KIAA1671: variants seen among roughly 807,000 people sequenced by gnomAD.
KIAA1671 encodes the protein uncharacterized protein KIAA1671.
Under a neutral mutation model 131.2 loss-of-function variants are expected in KIAA1671, and 52 were observed. The ratio of observed to expected loss-of-function variants is 0.40; its 90% CI spans 0.32 to 0.50. KIAA1671 has a LOEUF of 0.50. Ranked by LOEUF, KIAA1671 falls within the 20% of genes least tolerant of loss-of-function variation. The pLI is 0.73. For synonymous variants in KIAA1671, 1,003 were observed against 961.6 expected (o/e 1.04, Z -0.80); for missense variants, 2,360 against 2,364.2 (o/e 1.00, Z 0.04).
In KIAA1671 at chr22:25,028,668, T is replaced by C. The variant is rs969322840; in HGVS notation, c.669T>C (p.Ser223=). The change falls in exon 3 of 13, where the codon AGT becomes AGC. Residue 223 remains serine (S), a synonymous_variant. Transcript: ENST00000358431. ...GQDHPPSKAS[S]VEDTARPLVE... ...ACCATCCTCCCTCAAAGGCCAGCAG[T>C]GTGGAGGACACGGCACGCCCCCTTG... 4.5e-6 allele frequency: 7 copies of C among 1,551,038 alleles called. No homozygotes were observed. The highest frequency in any genetic ancestry group is 1.7e-4 in the Middle Eastern group (1 of 5,990).
intron 5 of KIAA1671, among the ~76,000 whole-genome samples, chr22:25,045,913 T>A (rs1017826254): frequency 1.3e-5 from 2 of 152,120 alleles, no homozygotes; most frequent in African/African-American, 4.8e-5. Flanking sequence ...TTTTAATGGT[T>A]GCGAAGTATT....
At chr22:24,992,646 C>T (rs545019037) in intron 1 of KIAA1671, among the ~76,000 whole-genome samples, 7 of 151,942 alleles carry the variant, frequency 4.6e-5, no homozygotes, top group Non-Finnish European at 8.8e-5. Context: ...GAAACCCCCT[C>T]TCTACTAAAA....
intron 6 of KIAA1671, among the ~76,000 whole-genome samples, chr22:25,148,677 A>G (rs889525103): frequency 6.6e-6 from 1 of 152,188 alleles, no homozygotes; most frequent in Non-Finnish European, 1.5e-5. Flanking sequence ...GGGAGCTTCC[A>G]GCTCACCTGG....
intron 4 of KIAA1671, among the ~76,000 whole-genome samples, chr22:25,036,454 T>G (rs1926603073): frequency 6.6e-6 from 1 of 152,000 alleles, no homozygotes; most frequent in African/African-American, 2.4e-5. Flanking sequence ...TAAAGAAAAA[T>G]AATGAATTTG....
intron 1 of KIAA1671, among the ~76,000 whole-genome samples, chr22:24,998,451 G>A (rs1431289963): frequency 6.6e-6 from 1 of 151,802 alleles, no homozygotes; most frequent in Non-Finnish European, 1.5e-5. Flanking sequence ...CGGGCACGGT[G>A]GCTCACACCT....
chr22:25,099,545 G>GT (rs58721361), intron 6 of KIAA1671, among the ~76,000 whole-genome samples: 2 of 35,356 alleles, frequency 5.7e-5, no homozygotes, highest in Admixed American at 2.4e-4. Context: ...GGGTTTTTTT[G>GT]TTTTTTTTTT....
At chr22:25,113,512 G>A (rs569714953) in intron 6 of KIAA1671, among the ~76,000 whole-genome samples, 21 of 152,272 alleles carry the variant, frequency 1.4e-4, no homozygotes, top group African/African-American at 5.1e-4. Context: ...CCAGCATTTA[G>A]GGAGGAGCCC....
At chr22:25,046,170 C>T (rs981914787) in intron 5 of KIAA1671, among the ~76,000 whole-genome samples, 9 of 151,976 alleles carry the variant, frequency 5.9e-5, no homozygotes, top group East Asian at 3.9e-4. Context: ...GGCTTGGTGG[C>T]GGGTGCCTGT....
intron 3 of KIAA1671, among the ~76,000 whole-genome samples, chr22:25,031,223 G>T (rs1403444456): frequency 2.2e-5 from 3 of 138,466 alleles, no homozygotes; most frequent in African/African-American, 8.5e-5. Context: ...TTTTGAGACG[G>T]AGTCTCGCTC....
intron 1 of KIAA1671, chr22:25,011,900 G>A (rs1925063349): frequency 6.6e-6 from 1 of 152,234 alleles, no homozygotes; most frequent in African/African-American, 2.4e-5. Context: ...GCCTCCCAAA[G>A]TGCTGGGATT....
At chr22:25,030,984 G>A (rs915064320) in intron 3 of KIAA1671, among the ~76,000 whole-genome samples, 2 of 152,118 alleles carry the variant, frequency 1.3e-5, no homozygotes, top group South Asian at 4.1e-4. Flanking sequence ...TAGAGATTCC[G>A]ATTCACTTGG....
At position 25,174,319 on chromosome 22, in the gene KIAA1671, T is replaced by C. The variant is rs1277814116; in HGVS notation, c.4729T>C (p.Ser1577Pro). 7.7e-6 allele frequency: 12 copies of C among 1,551,708 alleles called. No individual in the cohort carries two copies. Among genetic ancestry groups the C allele is most frequent in the Non-Finnish European group, 1.0e-5 (12 of 1,147,056 alleles). Residue 1577 changes from serine to proline, a missense_variant, in exon 8 of 13, where the codon TCC (serine) becomes CCC (proline). By Grantham distance (74) the Ser-to-Pro change is moderately conservative. Transcript: ENST00000358431. ...PPSSRLSSLS[S>P]QTEPTSAGDQ... ...CAGCAGCCGTTTGTCTTCTCTGTCC[T>C]CCCAAACGGAGCCCACCTCGGCAGG...
At chr22:25,127,096 TGACTTTGAGCAA>T (rs1393182038) in intron 6 of KIAA1671, among the ~76,000 whole-genome samples, 2 of 152,104 alleles carry the variant, frequency 1.3e-5, no homozygotes, top group Admixed American at 6.6e-5. Flanking sequence ...ACTAGCCATG[TGACTTTGAGCAA>T]GACTTTGAGC....
chr22:25,048,195 A>T (rs1420954262), intron 5 of KIAA1671, among the ~76,000 whole-genome samples: 1 of 152,220 alleles, frequency 6.6e-6, no homozygotes, highest in Non-Finnish European at 1.5e-5. Context: ...GAGCACGTGG[A>T]TCTGAGATGA....
At chr22:24,994,020 G>A (rs1043228260) in intron 1 of KIAA1671, among the ~76,000 whole-genome samples, 3 of 151,976 alleles carry the variant, frequency 2.0e-5, no homozygotes, top group African/African-American at 7.3e-5. Flanking sequence ...GGTGGAGGTT[G>A]CAGTGAGCCA....
chr22:25,171,335 C>T (rs6519568), intron 7 of KIAA1671, among the ~76,000 whole-genome samples: 17,933 of 151,796 alleles, frequency 0.12, 1,107 homozygotes, highest in South Asian at 0.21. Context: ...ACCTGGGAGG[C>T]GGAGGTTGCA....
chr22:25,039,322 C>T lies in KIAA1671; in HGVS notation c.2192C>T (p.Pro731Leu). Residue 731 changes from proline (P) to leucine (L), a missense_variant, in exon 5 of 13, where the codon CCC becomes CTC. Pro to Leu is a moderately conservative substitution (Grantham distance 98). Around this residue, in one of 3 missense-constraint regions of KIAA1671, gnomAD observed 1,185 missense variants for 1,126.2 expected, o/e 1.05. Coordinates refer to ENST00000358431, the MANE Select transcript of KIAA1671 (RefSeq NM_001145206.2). Reference sequence around the variant, plus strand: ...CCTCCCACATCGCAGAGAATTGAGCCCAGATATGACATTGTGCATGCAGTG... The same window carrying T: ...CCTCCCACATCGCAGAGAATTGAGCTCAGATATGACATTGTGCATGCAGTG... ...ENPPTSQRIE[P>L]RYDIVHAVGE... 4 of 1,552,052 alleles carry T rather than the reference C, an allele frequency of 2.6e-6. No individual in the cohort carries two copies. Among genetic ancestry groups the T allele is most frequent in the Non-Finnish European group, 3.5e-6 (4 of 1,147,082 alleles).
At chr22:25,000,211 T>TTC (rs1275472771) in intron 1 of KIAA1671, among the ~76,000 whole-genome samples, 2 of 73,780 alleles carry the variant, frequency 2.7e-5, no homozygotes, top group Non-Finnish European at 6.1e-5. Flanking sequence ...TTTTTTTTTT[T>TTC]GAGACGGAGT....
At chr22:25,099,494 A>G (rs1027238124) in intron 6 of KIAA1671, among the ~76,000 whole-genome samples, 1 of 146,038 alleles carries the variant, frequency 6.8e-6, no homozygotes, top group Non-Finnish European at 1.5e-5. Context: ...TAGCCTGGGG[A>G]AGGGGGGCAT....
Sources: gnomAD v4.1 joint callset for allele counts (sites outside exome capture counted in the v4.1 genomes callset) on GRCh38, gnomAD v4.1.1 for gene constraint, gnomAD v4.1.1 regional missense constraint, MANE v1.5 for transcripts, NCBI Gene and HGNC (gene_info 2026-07-23, HGNC 2026-07-21) for gene names.